Variants in CNTFR observed in about 807,000 individuals in gnomAD.
CNTFR encodes the protein ciliary neurotrophic factor receptor subunit alpha.
Under a neutral mutation model 40.4 loss-of-function variants are expected in CNTFR, and 12 were observed. The observed-to-expected ratio is 0.30, with a 90% CI of 0.19 to 0.48. CNTFR has a LOEUF of 0.48. Ranked by LOEUF, CNTFR falls within the 20% of genes least tolerant of loss-of-function variation. CNTFR has a pLI of 0.99. For missense variants in CNTFR, 414 were observed against 506.8 expected (o/e 0.82, Z 1.76); for synonymous variants, 202 against 209.6 (o/e 0.96, Z 0.31).
chr9:34,558,757 G>A (rs922941715), intron 4 of CNTFR, among the ~76,000 whole-genome samples: 2 of 152,112 alleles, frequency 1.3e-5, no homozygotes, highest in African/African-American at 4.8e-5. Flanking sequence ...CCTTTAAGAA[G>A]CCCTTTACAT....
intron 2 of CNTFR, among the ~76,000 whole-genome samples, chr9:34,574,616 C>T (rs536119343): frequency 5.9e-5 from 9 of 152,288 alleles, no homozygotes; most frequent in East Asian, 1.9e-4. Flanking sequence ...CCCCAGCTCT[C>T]GACGCTGGCT....
At chr9:34,560,192 G>A (rs975478332) in intron 4 of CNTFR, among the ~76,000 whole-genome samples, 11 of 152,244 alleles carry the variant, frequency 7.2e-5, no homozygotes, top group African/African-American at 2.7e-4. Flanking sequence ...GGAGGTGGGG[G>A]TGCTGTGAGA....
In CNTFR at chr9:34,552,660, G is replaced by A. The variant is rs377429914; in HGVS notation, c.949+14C>T. On this transcript the variant is annotated intron_variant, in intron 8 of 9. Coordinates refer to ENST00000378980, the MANE Select transcript of CNTFR (RefSeq NM_147164.3). The surrounding 1 kb of genome is among the most constrained non-coding windows in gnomAD (Gnocchi z 5.1). ...GACAGCAAAGCCAGGAGGTAGGGGC[G>A]GGAGCAAGCTCACCCGCAGCCTGGG... 1.0e-4 allele frequency: 161 copies of A among 1,611,082 alleles called. No individual in the cohort carries two copies. The highest frequency in any genetic ancestry group is 1.7e-4 in the Middle Eastern group (1 of 6,028).
At chr9:34,555,757 C>T (rs1391839590) in intron 7 of CNTFR, among the ~76,000 whole-genome samples, 1 of 152,080 alleles carries the variant, frequency 6.6e-6, no homozygotes, top group African/African-American at 2.4e-5. Flanking sequence ...TCTGTGAGCC[C>T]TTGAGGACAG....
chr9:34,558,153 A>G (rs1342129316), intron 4 of CNTFR, among the ~76,000 whole-genome samples, 169 bp from the exon 5 acceptor site: 1 of 152,158 alleles, frequency 6.6e-6, no homozygotes, highest in East Asian at 1.9e-4. Flanking sequence ...CCAGGCCACA[A>G]GAGCCAGATG....
At position 34,564,750 on chromosome 9, in the gene CNTFR, C is replaced by A. The variant is rs777328804; in HGVS notation, c.168G>T (p.Thr56=). 16 of 1,614,120 alleles carry A rather than the reference C, an allele frequency of 9.9e-6. No homozygotes were observed. Among genetic ancestry groups the A allele is most frequent in the Non-Finnish European group, 1.4e-5 (16 of 1,180,012 alleles). The stretch of plus-strand genomic sequence containing the variant: ...CCAGGTCTGTCCCATTTACCCGCCA[C>A]GTCACCGCAGCATCCCAGTTTGCTG... ...CGTANWDAAV[T]WRVNGTDLAP... The change falls in exon 4 of 10, where the codon ACG becomes ACT. Residue 56 remains threonine (T), a synonymous_variant. Transcript: ENST00000378980.
At chr9:34,570,024 G>A (rs1826514359) in intron 2 of CNTFR, 1 of 152,194 alleles carries the variant, frequency 6.6e-6, no homozygotes, top group Non-Finnish European at 1.5e-5. Flanking sequence ...AGAATGGGCT[G>A]CAAATGTAAC....
rs926561748 is a variant in CNTFR, at chr9:34,557,955, G to T, written c.349C>A (p.Arg117Ser). Residue 117 changes from arginine (R) to serine (S), a missense_variant, in exon 5 of 10, where the codon CGC (arginine) becomes AGC (serine). Physicochemically the swap from Arg to Ser is moderately radical, Grantham distance 110. Transcript: ENST00000378980. This position sits in a 1 kb window ranked among gnomAD's most constrained non-coding sequence, Gnocchi z 4.2. ...AAGCCCTTGGGGTAAGTGTTGGAGC[G>T]GCAGCTGAGCACAGGCTCCCGCGGC... ...LPPREPVLSCRSNTYPKGFYC... is the reference protein window; with the variant it reads ...LPPREPVLSCSSNTYPKGFYC... 7 of 1,557,738 alleles carry T rather than the reference G, an allele frequency of 4.5e-6. No individual in the cohort carries two copies. The highest frequency in any genetic ancestry group is 6.1e-6 in the Non-Finnish European group (7 of 1,152,554).
chr9:34,553,208 C>T (rs1825707270), intron 7 of CNTFR, among the ~76,000 whole-genome samples: 1 of 152,130 alleles, frequency 6.6e-6, no homozygotes, highest in Non-Finnish European at 1.5e-5. Context: ...GACCACAGTC[C>T]CAGCCTGGAG....
chr9:34,561,300 G>A (rs1466745317), intron 4 of CNTFR, among the ~76,000 whole-genome samples: 1 of 152,206 alleles, frequency 6.6e-6, no homozygotes, highest in Non-Finnish European at 1.5e-5. Context: ...GGGACCCAGA[G>A]CTTCCATCCT....
chr9:34,565,749 A>C (rs1826256186), intron 3 of CNTFR, among the ~76,000 whole-genome samples: 1 of 152,314 alleles, frequency 6.6e-6, no homozygotes, highest in Non-Finnish European at 1.5e-5. Flanking sequence ...GTCGACAGGC[A>C]GCACGAAGTG....
At chr9:34,565,855 C>T (rs1029029195) in intron 3 of CNTFR, among the ~76,000 whole-genome samples, 4 of 151,796 alleles carry the variant, frequency 2.6e-5, no homozygotes, top group African/African-American at 9.7e-5. Context: ...ATCCTACCCG[C>T]TGAGCCTGAG....
At chr9:34,563,428 C>T (rs1022334124) in intron 4 of CNTFR, among the ~76,000 whole-genome samples, 3 of 152,250 alleles carry the variant, frequency 2.0e-5, no homozygotes, top group Non-Finnish European at 2.9e-5. Flanking sequence ...GCACGTTCTG[C>T]ATCTGCACCT....
At chr9:34,567,277 G>C (rs1338650701) in intron 3 of CNTFR, among the ~76,000 whole-genome samples, 1 of 152,184 alleles carries the variant, frequency 6.6e-6, no homozygotes, top group East Asian at 1.9e-4. Flanking sequence ...GAGACGGGAT[G>C]AGGTCATGGA....
chr9:34,572,001 C>A (rs1826685070), intron 2 of CNTFR, among the ~76,000 whole-genome samples: 1 of 152,034 alleles, frequency 6.6e-6, no homozygotes, highest in Admixed American at 6.5e-5. Context: ...CACCCTAGAG[C>A]ATCTCCGTGG....
chr9:34,552,640 C>G lies in CNTFR; in HGVS notation c.949+34G>C, dbSNP rs1165910214. On this transcript the variant is annotated intron_variant, in intron 8 of 9. Transcript: ENST00000378980. This position sits in a 1 kb window ranked among gnomAD's most constrained non-coding sequence, Gnocchi z 5.1. ...GTTCTACCACAGGCCTCCAGGACAG[C>G]AAAGCCAGGAGGTAGGGGCGGGAGC... 6.2e-7 allele frequency: 1 copy of G among 1,602,446 alleles called. No individual in the cohort carries two copies. Among genetic ancestry groups the G allele is most frequent in the Non-Finnish European group, 8.5e-7 (1 of 1,176,050 alleles).
chr9:34,558,913 C>T (rs16931599), intron 4 of CNTFR, among the ~76,000 whole-genome samples: 2,112 of 152,254 alleles, frequency 0.014, 59 homozygotes, highest in African/African-American at 0.048. Flanking sequence ...CTGTCTAGCC[C>T]GCACTCTTTT....
intron 3 of CNTFR, among the ~76,000 whole-genome samples, chr9:34,566,073 G>C (rs1826273252): frequency 6.6e-6 from 1 of 152,040 alleles, no homozygotes; most frequent in Non-Finnish European, 1.5e-5. Context: ...TGGGCCAGTG[G>C]CCTCTTAATT....
At chr9:34,585,245 C>G (rs1827488104) in intron 1 of CNTFR, among the ~76,000 whole-genome samples, 1 of 152,174 alleles carries the variant, frequency 6.6e-6, no homozygotes, top group Non-Finnish European at 1.5e-5. Flanking sequence ...TCACGTAGAG[C>G]TCAGAGGCAA....
Sources: allele counts gnomAD v4.1 joint callset (sites outside exome capture counted in the v4.1 genomes callset), GRCh38; gene constraint gnomAD v4.1.1; non-coding constraint Gnocchi (gnomAD v3.1); transcripts MANE v1.5; gene names NCBI Gene and HGNC (gene_info 2026-07-23, HGNC 2026-07-21).